The following DDX4 variants were observed in gnomAD, a reference collection of about 807,000 sequenced individuals.
DDX4 encodes the protein DEAD-box helicase 4, also known as probable ATP-dependent RNA helicase DDX4.
A neutral mutation model predicts 100.0 loss-of-function variants in DDX4; 25 were observed. That is an observed-to-expected ratio of 0.25 (90% CI 0.18 to 0.35). The LOEUF is 0.35. Ranked by LOEUF, DDX4 falls within the 10% of genes least tolerant of loss-of-function variation. The pLI is 1.00. For missense variants in DDX4, 635 were observed against 882.4 expected, an observed-to-expected ratio of 0.72 and a Z score of 3.55; for synonymous variants, 259 against 275.7, an observed-to-expected ratio of 0.94 and a Z score of 0.60.
intron 6 of DDX4, chr5:55,766,792 C>A: frequency 1.0e-6 from 1 of 963,230 alleles, no homozygotes; most frequent in South Asian, 1.9e-5. Context: ...ATGATATGTA[C>A]AAAGATCCCT....
At chr5:55,778,539 G>A (rs1741708675) in intron 7 of DDX4, among the ~76,000 whole-genome samples, 1 of 152,168 alleles carries the variant, frequency 6.6e-6, no homozygotes, top group African/African-American at 2.4e-5. Flanking sequence ...AGATACAATA[G>A]AGTGTTCAGC....
Position 55,771,963 on chromosome 5 carries a change from G to A in DDX4, c.394+4023G>A, listed in dbSNP as rs535818187. On this transcript the variant is annotated intron_variant, in intron 7 of 21. Coordinates refer to ENST00000505374, the MANE Select transcript of DDX4 (RefSeq NM_024415.3). ...AGATAGGCCGGACGCGGTGGCTTAT[G>A]CCTGTAATGCCAGCACTTTGGGAGG... Among the ~76,000 whole-genome samples, 54 of 152,302 alleles carry A rather than the reference G, an allele frequency of 3.5e-4. 1 individual carries two copies. The highest frequency in any genetic ancestry group is 1.3e-3 in the African/African-American group (54 of 41,558).
At chr5:55,779,932 G>A in intron 7 of DDX4, 32 bp from the exon 8 acceptor site, 2 of 1,599,812 alleles carry the variant, frequency 1.3e-6, no homozygotes, top group South Asian at 1.1e-5. Context: ...TTGTTGTTTT[G>A]TGTTGTTCTT....
At chr5:55,759,588 G>T (rs1240024538) in intron 3 of DDX4, among the ~76,000 whole-genome samples, 1 of 152,078 alleles carries the variant, frequency 6.6e-6, no homozygotes, top group East Asian at 1.9e-4. Flanking sequence ...GTTGAATGCT[G>T]TATATTTCTT....
chr5:55,771,927 A>G (rs1419371612), intron 7 of DDX4, among the ~76,000 whole-genome samples: 2 of 148,660 alleles, frequency 1.3e-5, no homozygotes, highest in African/African-American at 5.0e-5. Flanking sequence ...AGTTGCAAGA[A>G]TAGTACATAC....
intron 17 of DDX4, 130 bp downstream of exon 17, chr5:55,792,937 G>A: frequency 2.0e-6 from 1 of 495,972 alleles, no homozygotes; most frequent in Non-Finnish European, 2.9e-6. Context: ...TTAAAAAGTA[G>A]ATGTATTTCT....
chr5:55,802,777 T>TA (rs1743403760), intron 18 of DDX4, among the ~76,000 whole-genome samples: 1 of 152,214 alleles, frequency 6.6e-6, no homozygotes, highest in Non-Finnish European at 1.5e-5. Flanking sequence ...ATGATCATGG[T>TA]AAATTTGTTA....
chr5:55,751,265 G>T (rs1580516899), intron 3 of DDX4, among the ~76,000 whole-genome samples: 1 of 152,112 alleles, frequency 6.6e-6, no homozygotes, highest in African/African-American at 2.4e-5. Context: ...ACAGGGCCTT[G>T]CTCTGTTGTC....
intron 3 of DDX4, among the ~76,000 whole-genome samples, chr5:55,755,496 ACT>A (rs1484523448): frequency 2.0e-5 from 3 of 151,886 alleles, no homozygotes; most frequent in African/African-American, 7.3e-5. Context: ...GCCTTACGTG[ACT>A]CTTTTATTGT....
At chr5:55,782,375 C>T in intron 10 of DDX4, 2 of 176,830 alleles carry the variant, frequency 1.1e-5, no homozygotes, top group Non-Finnish European at 1.2e-5. Context: ...GAGGCCTAGG[C>T]AGGCAGATCA....
At chr5:55,775,413 G>A (rs552560425) in intron 7 of DDX4, among the ~76,000 whole-genome samples, 3 of 152,222 alleles carry the variant, frequency 2.0e-5, no homozygotes, top group South Asian at 4.1e-4. Flanking sequence ...AAAATGCTGC[G>A]AAATTTGCTG....
chr5:55,765,413 A>AAAAAAAATATATATATAT (rs1392558099), intron 6 of DDX4, among the ~76,000 whole-genome samples: 1 of 83,040 alleles, frequency 1.2e-5, no homozygotes, highest in African/African-American at 5.8e-5. Context: ...AAAAAAAAAA[A>AAAAAAAATATATATATAT]ATATATATAT....
chr5:55,765,407 AAAAAAAATATAT>A (rs1250628820), intron 6 of DDX4, among the ~76,000 whole-genome samples: 1 of 92,972 alleles, frequency 1.1e-5, no homozygotes, highest in African/African-American at 4.7e-5. Flanking sequence ...AAAAAAAAAA[AAAAAAAATATAT>A]ATATATATAT....
intron 18 of DDX4, among the ~76,000 whole-genome samples, chr5:55,810,044 C>A (rs76218627): frequency 5.5e-4 from 80 of 144,788 alleles, no homozygotes; most frequent in South Asian, 3.5e-3. Context: ...CACACACACA[C>A]AAAAAATAGA....
At chr5:55,765,413 A>AAAAAATATATAT (rs1392558099) in intron 6 of DDX4, among the ~76,000 whole-genome samples, 3 of 83,006 alleles carry the variant, frequency 3.6e-5, no homozygotes, top group Non-Finnish European at 6.4e-5. Context: ...AAAAAAAAAA[A>AAAAAATATATAT]ATATATATAT....
chr5:55,752,674 T>C (rs979417211), intron 3 of DDX4, among the ~76,000 whole-genome samples: 2 of 147,164 alleles, frequency 1.4e-5, no homozygotes, highest in African/African-American at 5.2e-5. Context: ...AGCAGCATGA[T>C]TTATAGTCCT....
intron 6 of DDX4, among the ~76,000 whole-genome samples, chr5:55,764,784 G>A (rs1473431101): frequency 6.6e-6 from 1 of 152,192 alleles, no homozygotes. Flanking sequence ...CCAGTTTTCT[G>A]TTCCATAGAA....
chr5:55,780,313 AC>A (rs1232526432), intron 8 of DDX4, among the ~76,000 whole-genome samples: 2 of 152,162 alleles, frequency 1.3e-5, no homozygotes, highest in African/African-American at 4.8e-5. Context: ...AATATTACAT[AC>A]TGTTCATTGT....
chr5:55,761,290 T>C (rs1740528133), intron 4 of DDX4, among the ~76,000 whole-genome samples: 1 of 152,296 alleles, frequency 6.6e-6, no homozygotes, highest in African/African-American at 2.4e-5. Context: ...AGAAATATTT[T>C]AATATTACAT....
Sources: allele counts gnomAD v4.1 joint callset (sites outside exome capture counted in the v4.1 genomes callset), GRCh38; gene constraint gnomAD v4.1.1; transcripts MANE v1.5; gene names NCBI Gene and HGNC (gene_info 2026-07-23, HGNC 2026-07-21).